CTNND2: variants seen among roughly 807,000 people sequenced by gnomAD.
CTNND2 encodes the protein catenin delta-2.
Under a neutral mutation model 144.4 loss-of-function variants are expected in CTNND2, and 22 were observed. The observed-to-expected ratio is 0.15, with a 90% CI of 0.11 to 0.22. The LOEUF (loss-of-function observed/expected upper bound fraction) is 0.22, where lower values mean the gene tolerates loss of function less well. CTNND2 is among the 10% of genes least tolerant of loss of function. The pLI is 1.00. For synonymous variants in CTNND2, 751 were observed against 695.6 expected, an observed-to-expected ratio of 1.08 and a Z score of -1.25; for missense variants, 1,353 against 1,618.8, an observed-to-expected ratio of 0.84 and a Z score of 2.82.
intron 11 of CTNND2, among the ~76,000 whole-genome samples, chr5:11,163,163 A>G (rs890016073): frequency 1.3e-5 from 2 of 152,180 alleles, no homozygotes; most frequent in African/African-American, 2.4e-5. Flanking sequence ...TTTGTGACCA[A>G]TGAAACATGG....
chr5:11,574,269 G>A (rs1777800785), intron 2 of CTNND2, among the ~76,000 whole-genome samples: 1 of 152,128 alleles, frequency 6.6e-6, no homozygotes, highest in African/African-American at 2.4e-5. Context: ...ATTCTGCTAA[G>A]TGCTTCACAT....
At chr5:11,732,393 C>T in intron 1 of CTNND2, 121 bp from the exon 2 acceptor site, 1 of 854,760 alleles carries the variant, frequency 1.2e-6, no homozygotes, top group East Asian at 2.6e-5. Flanking sequence ...CTGAGAAAGA[C>T]CAAGACATAA....
chr5:11,080,118 T>C (rs1749393800), intron 16 of CTNND2, among the ~76,000 whole-genome samples: 1 of 151,970 alleles, frequency 6.6e-6, no homozygotes, highest in Admixed American at 6.6e-5. Context: ...ATTCAAACAA[T>C]TCAACAGCAA....
At chr5:11,679,410 G>A (rs1784328481) in intron 2 of CTNND2, among the ~76,000 whole-genome samples, 1 of 152,186 alleles carries the variant, frequency 6.6e-6, no homozygotes, top group African/African-American at 2.4e-5. Context: ...TTAAAATGCT[G>A]TAATTCATTG....
In CTNND2 at chr5:11,117,645, T is replaced by C. The variant is rs905182320; in HGVS notation, c.2160-78A>G. On this transcript the variant is annotated intron_variant, in intron 12 of 21. Transcript: ENST00000304623. Reference sequence around the variant, plus strand: ...GTCTTTCCATGCCCAGCTGCTCTCATAGTTTGAAAGTAAATGCATTTTTCC... The same window carrying C: ...GTCTTTCCATGCCCAGCTGCTCTCACAGTTTGAAAGTAAATGCATTTTTCC... The C allele has an allele frequency of 4.4e-6, 5 of 1,147,134 alleles. No individual in the cohort carries two copies. In the African/African-American group the frequency reaches 4.5e-5, roughly 10 times the overall value. The allele number at this position is 1,147,134 out of a possible 1,614,324, so 71.1% of individuals were successfully genotyped here.
intron 9 of CTNND2, among the ~76,000 whole-genome samples, chr5:11,283,673 CAAAAAAAAAAAAAAAAAA>C (rs70947250): frequency 6.3e-5 from 2 of 31,604 alleles, no homozygotes; most frequent in South Asian, 2.6e-3. Context: ...GACTCCGTCT[CAAAAAAAAAAAAAAAAAA>C]AAAAAAAAAA....
At chr5:11,266,936 T>C (rs945728079) in intron 9 of CTNND2, among the ~76,000 whole-genome samples, 3 of 152,204 alleles carry the variant, frequency 2.0e-5, no homozygotes, top group African/African-American at 7.2e-5. Context: ...TGGAGTGCAA[T>C]GGCGCGATCT....
At chr5:11,569,782 C>A (rs975266495) in intron 2 of CTNND2, among the ~76,000 whole-genome samples, 10 of 152,082 alleles carry the variant, frequency 6.6e-5, no homozygotes, top group African/African-American at 2.4e-4. Flanking sequence ...CCATCCCCTG[C>A]CCAAGATTCA....
intron 6 of CTNND2, among the ~76,000 whole-genome samples, chr5:11,387,041 T>A (rs1255511004): frequency 1.3e-5 from 2 of 152,078 alleles, no homozygotes; most frequent in Non-Finnish European, 1.5e-5. Flanking sequence ...TATATTATAA[T>A]CTCCAAGGGT....
intron 3 of CTNND2, among the ~76,000 whole-genome samples, chr5:11,533,126 G>A (rs1457824328): frequency 6.6e-6 from 1 of 152,230 alleles, no homozygotes; most frequent in Non-Finnish European, 1.5e-5. Context: ...GGGCTAAGAG[G>A]AGTCAAGAGG....
intron 16 of CTNND2, among the ~76,000 whole-genome samples, chr5:11,057,900 T>C (rs1746507463): frequency 6.6e-6 from 1 of 152,182 alleles, no homozygotes; most frequent in Admixed American, 6.5e-5. Flanking sequence ...TCTTGTTATA[T>C]TTTAAAAAAG....
intron 9 of CTNND2, among the ~76,000 whole-genome samples, chr5:11,333,500 C>T (rs1753397644): frequency 6.6e-6 from 1 of 151,972 alleles, no homozygotes; most frequent in South Asian, 2.1e-4. Flanking sequence ...TTTCGATAAG[C>T]AAAGGTAAAG....
intron 3 of CTNND2, among the ~76,000 whole-genome samples, chr5:11,541,313 AC>A (rs1449213964): frequency 6.6e-6 from 1 of 152,210 alleles, no homozygotes; most frequent in Non-Finnish European, 1.5e-5. Context: ...CTTGGAACAC[AC>A]TTAAAATTAC....
chr5:11,403,916 T>A (rs1286071157), intron 5 of CTNND2, among the ~76,000 whole-genome samples: 1 of 152,228 alleles, frequency 6.6e-6, no homozygotes, highest in Non-Finnish European at 1.5e-5. Flanking sequence ...CTTTCAGGTC[T>A]CTGATTCAAT....
chr5:11,437,093 T>C (rs1763842676), intron 3 of CTNND2, among the ~76,000 whole-genome samples: 1 of 152,210 alleles, frequency 6.6e-6, no homozygotes, highest in Non-Finnish European at 1.5e-5. Flanking sequence ...GGCATATGCA[T>C]TTGTCACTCA....
chr5:11,093,187 A>C (rs2149656879), intron 15 of CTNND2, among the ~76,000 whole-genome samples: 1 of 152,362 alleles, frequency 6.6e-6, no homozygotes, highest in Middle Eastern at 3.4e-3. Flanking sequence ...GAGTGTACAA[A>C]GATTTTAAAA....
At chr5:11,586,438 G>A (rs529543585) in intron 2 of CTNND2, among the ~76,000 whole-genome samples, 1 of 152,238 alleles carries the variant, frequency 6.6e-6, no homozygotes, top group African/African-American at 2.4e-5. Flanking sequence ...AAGACATTTC[G>A]AATGCAAAAT....
At chr5:11,836,679 A>C (rs1023495871) in intron 1 of CTNND2, among the ~76,000 whole-genome samples, 4 of 152,222 alleles carry the variant, frequency 2.6e-5, no homozygotes, top group African/African-American at 9.6e-5. Context: ...AGAAAAAAAA[A>C]ACTCTACTTT....
chr5:11,784,547 T>A (rs562334644), intron 1 of CTNND2, among the ~76,000 whole-genome samples: 2 of 152,338 alleles, frequency 1.3e-5, no homozygotes, highest in South Asian at 4.1e-4. Context: ...CTAAGTTACA[T>A]GACAGATGCA....
Sources: allele counts gnomAD v4.1 joint callset (sites outside exome capture counted in the v4.1 genomes callset), GRCh38; gene constraint gnomAD v4.1.1; transcripts MANE v1.5; gene names NCBI Gene and HGNC (gene_info 2026-07-23, HGNC 2026-07-21).